The following SEMA5A variants were observed in gnomAD, a reference collection of about 807,000 sequenced individuals.
SEMA5A encodes semaphorin-5A.
A neutral mutation model predicts 135.5 loss-of-function variants in SEMA5A; 55 were observed. That is an observed-to-expected ratio of 0.41 (90% confidence interval 0.33 to 0.51). The LOEUF (loss-of-function observed/expected upper bound fraction) is 0.51, where lower values mean the gene tolerates loss of function less well. Ranked by LOEUF, SEMA5A falls within the 20% of genes least tolerant of loss-of-function variation. The probability of loss-of-function intolerance (pLI) is 0.37; values close to 1 mark genes in which losing one functional copy is unlikely to be tolerated. For missense variants in SEMA5A, 1,290 were observed against 1,419.9 expected (o/e 0.91, Z 1.47); for synonymous variants, 580 against 546.5 (o/e 1.06, Z -0.85).
intron 4 of SEMA5A, among the ~76,000 whole-genome samples, chr5:9,336,944 T>C (rs1341573619): frequency 1.3e-5 from 2 of 152,208 alleles, no homozygotes; most frequent in Non-Finnish European, 2.9e-5. Context: ...GGACCCTTTC[T>C]TAAACTTTAA....
intron 12 of SEMA5A, among the ~76,000 whole-genome samples, chr5:9,153,611 A>AGG (rs11435553): frequency 1.3e-3 from 195 of 150,678 alleles, no homozygotes; most frequent in Non-Finnish European, 2.2e-3. Flanking sequence ...GTGGCGGGGG[A>AGG]GGGGGGGGTG....
chr5:9,220,583 T>A (rs1746887326), intron 8 of SEMA5A, among the ~76,000 whole-genome samples: 1 of 151,994 alleles, frequency 6.6e-6, no homozygotes, highest in African/African-American at 2.4e-5. Flanking sequence ...TAGATGGGAA[T>A]CCAAGAAAAG....
At chr5:9,132,939 G>A (rs1741516425) in intron 13 of SEMA5A, among the ~76,000 whole-genome samples, 1 of 152,174 alleles carries the variant, frequency 6.6e-6, no homozygotes, top group Non-Finnish European at 1.5e-5. Flanking sequence ...TATATACGTA[G>A]AAGTAGGTAA....
intron 14 of SEMA5A, among the ~76,000 whole-genome samples, chr5:9,120,686 T>C (rs1740766325): frequency 6.6e-6 from 1 of 152,186 alleles, no homozygotes; most frequent in Non-Finnish European, 1.5e-5. Flanking sequence ...CAAAGTTTCA[T>C]TACATGTGCA....
At chr5:9,182,126 C>A (rs1744547936) in intron 11 of SEMA5A, among the ~76,000 whole-genome samples, 1 of 150,696 alleles carries the variant, frequency 6.6e-6, no homozygotes, top group South Asian at 2.1e-4. Context: ...ACATTTAATG[C>A]AACTGCTTGT....
At chr5:9,251,154 T>G (rs777796621) in intron 5 of SEMA5A, among the ~76,000 whole-genome samples, 1 of 152,130 alleles carries the variant, frequency 6.6e-6, no homozygotes, top group Non-Finnish European at 1.5e-5. Context: ...CTCATGAGCT[T>G]TCTTCATATG....
rs57416491 is a variant in SEMA5A, at chr5:9,291,761, C to CTTTT, written c.270+26607_270+26610dup. 3.9e-5 allele frequency among the ~76,000 whole-genome samples: 5 copies of CTTTT among 128,176 alleles called. No individual in the cohort carries two copies. In the East Asian group the frequency reaches 9.2e-4, roughly 24 times the overall value. 84.1% of individuals were successfully genotyped at this position (128,176 alleles called of 152,430 possible). A position where few individuals can be genotyped will look rare whatever the true frequency, so the allele number is the denominator to read the frequency against. On this transcript the variant is annotated intron_variant, in intron 5 of 22. Coordinates refer to ENST00000382496, the MANE Select transcript of SEMA5A (RefSeq NM_003966.3). ...CATAAACAAACTTCTCAGCCAAGTT[C>CTTTT]TTTTTTTTTTTTTTTTTGACTTTTG...
intron 11 of SEMA5A, among the ~76,000 whole-genome samples, chr5:9,161,921 T>C (rs1743279440): frequency 1.3e-5 from 2 of 152,212 alleles, no homozygotes; most frequent in African/African-American, 4.8e-5. Flanking sequence ...CCAGTAAATG[T>C]GGCCATGAGA....
chr5:9,491,229 C>T (rs268471), intron 1 of SEMA5A, among the ~76,000 whole-genome samples: 147,070 of 152,148 alleles, frequency 0.97, 71,342 homozygotes, highest in Non-Finnish European at 0.99. Context: ...TTGGTGGTTG[C>T]CAGGGGCTGA....
chr5:9,301,529 T>C (rs1466430904), intron 5 of SEMA5A, among the ~76,000 whole-genome samples: 1 of 152,184 alleles, frequency 6.6e-6, no homozygotes, highest in African/African-American at 2.4e-5. Context: ...TACTCCTAGT[T>C]ACAATGGCCT....
intron 11 of SEMA5A, among the ~76,000 whole-genome samples, chr5:9,177,385 C>A (rs1579547501): frequency 6.6e-6 from 1 of 152,174 alleles, no homozygotes; most frequent in East Asian, 1.9e-4. Context: ...AAAGACACAA[C>A]TGTGGGAAAC....
chr5:9,382,367 T>C (rs1328255927), intron 2 of SEMA5A, among the ~76,000 whole-genome samples: 6 of 151,752 alleles, frequency 4.0e-5, no homozygotes, highest in Admixed American at 1.3e-4. Context: ...CAGAGAAAAC[T>C]GAGGGGAAAA....
At chr5:9,239,314 T>C (rs1304935986) in intron 5 of SEMA5A, among the ~76,000 whole-genome samples, 1 of 152,140 alleles carries the variant, frequency 6.6e-6, no homozygotes, top group Non-Finnish European at 1.5e-5. Context: ...TCATAATGTT[T>C]GATGGTAACA....
chr5:9,310,685 T>C (rs962404322), intron 5 of SEMA5A, among the ~76,000 whole-genome samples: 2 of 151,546 alleles, frequency 1.3e-5, no homozygotes, highest in Admixed American at 6.6e-5. Flanking sequence ...GTATTATAAA[T>C]TGCCTCAATT....
chr5:9,412,446 T>C (rs1177990070), intron 2 of SEMA5A, among the ~76,000 whole-genome samples: 2 of 151,408 alleles, frequency 1.3e-5, no homozygotes, highest in Non-Finnish European at 2.9e-5. Context: ...GTATATAAAG[T>C]AAATTATAAA....
intron 4 of SEMA5A, among the ~76,000 whole-genome samples, chr5:9,333,514 A>G (rs1346903817): frequency 1.3e-5 from 2 of 152,366 alleles, no homozygotes; most frequent in East Asian, 3.9e-4. Flanking sequence ...CATTTGGGAA[A>G]TAAAAATGTA....
intron 5 of SEMA5A, among the ~76,000 whole-genome samples, chr5:9,287,681 A>C (rs935389292): frequency 2.0e-5 from 3 of 152,062 alleles, no homozygotes; most frequent in African/African-American, 7.2e-5. Context: ...TTTTATTAAA[A>C]CTCAGCCATC....
At chr5:9,484,552 C>A (rs1200152855) in intron 1 of SEMA5A, among the ~76,000 whole-genome samples, 1 of 152,056 alleles carries the variant, frequency 6.6e-6, no homozygotes, top group Admixed American at 6.6e-5. Flanking sequence ...AGAAAAGTAC[C>A]AGAAATAACT....
intron 1 of SEMA5A, among the ~76,000 whole-genome samples, chr5:9,473,019 G>T: frequency 6.7e-6 from 1 of 149,180 alleles, no homozygotes; most frequent in African/African-American, 2.4e-5. Flanking sequence ...CCTTACCGGT[G>T]GCCATTTCTT....
Sources: allele counts gnomAD v4.1 joint callset (sites outside exome capture counted in the v4.1 genomes callset), GRCh38; gene constraint gnomAD v4.1.1; transcripts MANE v1.5; gene names NCBI Gene and HGNC (gene_info 2026-07-23, HGNC 2026-07-21).